Variants in ARHGAP26 observed in about 807,000 individuals in gnomAD.
The protein encoded by ARHGAP26 is rho GTPase-activating protein 26.
A neutral mutation model predicts 104.8 loss-of-function variants in ARHGAP26; 38 were observed. That is an observed-to-expected ratio of 0.36 (90% CI 0.28 to 0.48). The LOEUF (loss-of-function observed/expected upper bound fraction) is 0.48, where lower values mean the gene tolerates loss of function less well. ARHGAP26 is among the 20% of genes least tolerant of loss of function. The pLI is 0.99. For missense variants in ARHGAP26, 704 were observed against 947.9 expected (o/e 0.74, Z 3.38); for synonymous variants, 341 against 340.0 (o/e 1.00, Z -0.03).
In ARHGAP26 at chr5:142,867,488, C is replaced by T. The variant is rs369745291; in HGVS notation, c.155-5912C>T. Among the ~76,000 whole-genome samples the T allele has an allele frequency of 1.1e-4, 16 of 152,228 alleles. No homozygotes were observed. The South Asian group carries it at 3.3e-3, about 32-fold the overall frequency. On this transcript the variant is annotated intron_variant, in intron 1 of 22. Coordinates refer to ENST00000645722, the MANE Select transcript of ARHGAP26 (RefSeq NM_001135608.3). ...GGGGAGTCGTTGGAAATGCCTCTCT[C>T]CAAGCACAGTTTCTGATTGGATATG...
At chr5:143,032,016 G>T (rs1433924150) in intron 12 of ARHGAP26, among the ~76,000 whole-genome samples, 1 of 152,088 alleles carries the variant, frequency 6.6e-6, no homozygotes, top group Non-Finnish European at 1.5e-5. Flanking sequence ...ATTCTTCAAG[G>T]TTACTGAGCA....
chr5:143,173,686 G>T (rs983587225), intron 20 of ARHGAP26, among the ~76,000 whole-genome samples: 20 of 152,144 alleles, frequency 1.3e-4, no homozygotes, highest in African/African-American at 4.8e-4. Flanking sequence ...AAATCTAACT[G>T]CAGAGACTTC....
chr5:143,130,128 A>G (rs1797156482), intron 18 of ARHGAP26, among the ~76,000 whole-genome samples: 1 of 152,216 alleles, frequency 6.6e-6, no homozygotes, highest in Admixed American at 6.5e-5. Flanking sequence ...AACCAAGATC[A>G]GCCCAGGTTT....
intron 12 of ARHGAP26, among the ~76,000 whole-genome samples, chr5:143,029,392 G>GTTTTTTTTTTTTTTTTTTTTTTTTTTTTT: frequency 1.2e-5 from 1 of 80,812 alleles, no homozygotes; most frequent in Non-Finnish European, 2.5e-5. Context: ...TTACTTCTCA[G>GTTTTTTTTTTTTTTTTTTTTTTTTTTTTT]TTTTTTTTTT....
At chr5:143,139,408 C>T (rs940880831) in intron 19 of ARHGAP26, among the ~76,000 whole-genome samples, 1 of 152,200 alleles carries the variant, frequency 6.6e-6, no homozygotes, top group Admixed American at 6.5e-5. Context: ...GTCTTCTAGT[C>T]TTCCTTCCCT....
At chr5:142,825,271 C>G (rs1226837213) in intron 1 of ARHGAP26, among the ~76,000 whole-genome samples, 2 of 152,232 alleles carry the variant, frequency 1.3e-5, no homozygotes, top group African/African-American at 4.8e-5. Flanking sequence ...ATTGCTACTA[C>G]TGCCATCCTT....
intron 11 of ARHGAP26, among the ~76,000 whole-genome samples, chr5:142,964,598 C>T (rs899210250): frequency 2.0e-5 from 3 of 151,046 alleles, no homozygotes; most frequent in Non-Finnish European, 2.9e-5. Flanking sequence ...CAAAAAAAAC[C>T]GATGTTAAGA....
At chr5:143,158,335 G>C (rs894499118) in intron 20 of ARHGAP26, among the ~76,000 whole-genome samples, 1 of 152,174 alleles carries the variant, frequency 6.6e-6, no homozygotes, top group African/African-American at 2.4e-5. Context: ...CAATAGAAGT[G>C]CTCCTCTTCC....
At chr5:142,963,194 A>ATGTGTGTGTG (rs1375363062) in intron 11 of ARHGAP26, among the ~76,000 whole-genome samples, 84 of 102,648 alleles carry the variant, frequency 8.2e-4, no homozygotes, top group African/African-American at 5.0e-3. Context: ...ATATATATAT[A>ATGTGTGTGTG]TATATGTGTG....
chr5:142,830,630 G>A (rs918977587), intron 1 of ARHGAP26, among the ~76,000 whole-genome samples: 1 of 152,148 alleles, frequency 6.6e-6, no homozygotes, highest in East Asian at 1.9e-4. Flanking sequence ...GTTACCGATA[G>A]TATCAATTTT....
intron 10 of ARHGAP26, among the ~76,000 whole-genome samples, chr5:142,920,664 G>A (rs867034313): frequency 2.6e-5 from 4 of 152,190 alleles, no homozygotes; most frequent in Non-Finnish European, 5.9e-5. Context: ...ACTCTCTAGA[G>A]GTGGGCAGCA....
chr5:143,228,310 ATGAGC>A lies in ARHGAP26; in HGVS notation c.*5867_*5871del. ...GACATAGACACTTACAGAGACCCAC[ATGAGC>A]TGGCACTTTCTGAGCCTTTACAGCC... is the stretch of plus-strand genomic sequence containing the variant. On this transcript the variant is annotated 3_prime_UTR_variant, in exon 23 of 23. Transcript: ENST00000645722. The A allele has an allele frequency of 4.5e-6, 1 of 224,702 alleles. No individual in the cohort carries two copies. The highest frequency in any genetic ancestry group is 8.9e-6 in the Non-Finnish European group (1 of 112,738). 13.9% of individuals were successfully genotyped at this position (224,702 alleles called of 1,614,324 possible).
Position 143,224,921 on chromosome 5 carries a change from G to A in ARHGAP26, c.*2475G>A, listed in dbSNP as rs983072285. ...CTCAAGGATTATACAGCTCTTTTCC[G>A]GGAACTCACCCAGGAGCAAGCGAGA... On this transcript the variant is annotated 3_prime_UTR_variant, in exon 23 of 23. Transcript: ENST00000645722. 2 of 224,188 alleles carry A rather than the reference G, an allele frequency of 8.9e-6. No individual in the cohort carries two copies. Among genetic ancestry groups the A allele is most frequent in the Non-Finnish European group, 1.8e-5 (2 of 112,508 alleles). 13.9% of individuals were successfully genotyped at this position (224,188 alleles called of 1,614,324 possible).
At chr5:143,083,828 A>G (rs1385073613) in intron 17 of ARHGAP26, among the ~76,000 whole-genome samples, 1 of 152,192 alleles carries the variant, frequency 6.6e-6, no homozygotes, top group Non-Finnish European at 1.5e-5. Flanking sequence ...CCGATTCAAT[A>G]TATCTTTCTC....
intron 20 of ARHGAP26, among the ~76,000 whole-genome samples, chr5:143,148,576 C>T (rs1030864252): frequency 5.9e-5 from 9 of 152,128 alleles, no homozygotes; most frequent in Non-Finnish European, 1.2e-4. Context: ...TAATTATTTG[C>T]CTGTTGAGTG....
intron 18 of ARHGAP26, among the ~76,000 whole-genome samples, chr5:143,125,426 T>C (rs1796615808): frequency 6.6e-6 from 1 of 152,246 alleles, no homozygotes; most frequent in East Asian, 1.9e-4. Flanking sequence ...CATAGTGATG[T>C]GTTTCACACA....
At chr5:143,138,441 G>A (rs1415424805) in intron 19 of ARHGAP26, among the ~76,000 whole-genome samples, 1 of 152,234 alleles carries the variant, frequency 6.6e-6, no homozygotes, top group Non-Finnish European at 1.5e-5. Context: ...GGAAACCACT[G>A]AATATTTTAG....
At chr5:143,098,193 T>G (rs1446011761) in intron 17 of ARHGAP26, among the ~76,000 whole-genome samples, 1 of 152,222 alleles carries the variant, frequency 6.6e-6, no homozygotes, top group African/African-American at 2.4e-5. Flanking sequence ...GCTTGACATA[T>G]TTGACCATAA....
intron 11 of ARHGAP26, among the ~76,000 whole-genome samples, chr5:142,950,254 C>T (rs1768103227): frequency 2.0e-5 from 3 of 152,078 alleles, no homozygotes; most frequent in Admixed American, 2.0e-4. Context: ...AGAGAGGGAA[C>T]CCACATGCAT....
Sources: gnomAD v4.1 joint callset for allele counts (sites outside exome capture counted in the v4.1 genomes callset) on GRCh38, gnomAD v4.1.1 for gene constraint, MANE v1.5 for transcripts, NCBI Gene and HGNC (gene_info 2026-07-23, HGNC 2026-07-21) for gene names.